The following ARHGAP22 variants were observed in gnomAD, a reference collection of about 807,000 sequenced individuals.
ARHGAP22 encodes Rho GTPase activating protein 22, also known as rho GTPase-activating protein 22.
A neutral mutation model predicts 59.1 loss-of-function variants in ARHGAP22; 48 were observed. That is an observed-to-expected ratio of 0.81 (90% CI 0.64 to 1.03). ARHGAP22 has a LOEUF of 1.03. Among genes scored for constraint, ARHGAP22 ranks in the 50% least tolerant of loss-of-function variants. The probability of loss-of-function intolerance (pLI) is 0.00; values close to 1 mark genes in which losing one functional copy is unlikely to be tolerated. For synonymous variants in ARHGAP22, 445 were observed against 416.4 expected (o/e 1.07, Z -0.84); for missense variants, 1,015 against 958.7 (o/e 1.06, Z -0.78).
rs2048638961 is a variant in ARHGAP22, at chr10:48,475,593, T to C, written c.451+4043A>G. On this transcript the variant is annotated intron_variant, in intron 4 of 9. Coordinates refer to ENST00000249601, the MANE Select transcript of ARHGAP22 (RefSeq NM_021226.4). ...CCAGAATTATCCTTAACTTCTCTCA[T>C]TCATTCTCATACACCTCTCATCCAT... Among the ~76,000 whole-genome samples, 3 of 152,336 alleles carry C rather than the reference T, an allele frequency of 2.0e-5. No individual in the cohort carries two copies. In the South Asian group the frequency reaches 6.2e-4, roughly 32 times the overall value.
chr10:48,551,074 G>C (rs543012717), intron 3 of ARHGAP22, among the ~76,000 whole-genome samples: 2 of 152,330 alleles, frequency 1.3e-5, no homozygotes, highest in South Asian at 4.1e-4. Context: ...TGCACCCTGG[G>C]CACTGGGGTG....
chr10:48,479,573 A>AG (rs1564733773), intron 4 of ARHGAP22, 63 bp downstream of exon 4: 1 of 1,612,648 alleles, frequency 6.2e-7, no homozygotes, highest in Non-Finnish European at 8.5e-7. Flanking sequence ...CAGGACAGGC[A>AG]GGGGGCATGA....
upstream of ARHGAP22, among the ~76,000 whole-genome samples, chr10:48,653,404 C>T (rs756199951): frequency 3.9e-5 from 6 of 152,212 alleles, no homozygotes; most frequent in Non-Finnish European, 8.8e-5. Context: ...CCCTGGGCTG[C>T]GGGACAGCGC....
intron 3 of ARHGAP22, among the ~76,000 whole-genome samples, chr10:48,504,358 T>G (rs570204282): frequency 6.6e-6 from 1 of 152,180 alleles, no homozygotes; most frequent in African/African-American, 2.4e-5. Flanking sequence ...GATGCTGTGC[T>G]TGACATATGG....
At chr10:48,476,803 G>A (rs565217017) in intron 4 of ARHGAP22, among the ~76,000 whole-genome samples, 1 of 152,306 alleles carries the variant, frequency 6.6e-6, no homozygotes, top group South Asian at 2.1e-4. Flanking sequence ...TGTGGCCGGG[G>A]AGCCAGGCCT....
intron 9 of ARHGAP22, among the ~76,000 whole-genome samples, chr10:48,447,302 G>A (rs2045455419): frequency 1.3e-5 from 2 of 152,182 alleles, no homozygotes; most frequent in South Asian, 2.1e-4. Context: ...CTTTCCGAAG[G>A]GACACACCTG....
intron 1 of ARHGAP22, among the ~76,000 whole-genome samples, chr10:48,583,885 C>T (rs1490912922): frequency 3.9e-5 from 6 of 152,198 alleles, no homozygotes; most frequent in Non-Finnish European, 5.9e-5. Flanking sequence ...TCTGAGTGCC[C>T]GTGAGCCCTG....
At chr10:48,612,595 T>C (rs930559981) in intron 1 of ARHGAP22, among the ~76,000 whole-genome samples, 1 of 152,264 alleles carries the variant, frequency 6.6e-6, no homozygotes, top group Non-Finnish European at 1.5e-5. Flanking sequence ...ATACTTGTGC[T>C]TCCTGCTTTT....
intron 1 of ARHGAP22, among the ~76,000 whole-genome samples, chr10:48,615,889 G>A (rs2061061329): frequency 5.3e-5 from 8 of 151,452 alleles, no homozygotes; most frequent in Admixed American, 4.6e-4. Context: ...GCAGATCTGA[G>A]CTAGCAGAAG....
intron 1 of ARHGAP22, 69 bp from the exon 2 acceptor site, chr10:48,583,221 G>C (rs2135640997): frequency 6.5e-7 from 1 of 1,537,440 alleles, no homozygotes; most frequent in South Asian, 1.2e-5. Flanking sequence ...CCCCCATCCT[G>C]GTGTCCCAGC....
chr10:48,514,024 A>G (rs1200677947), intron 3 of ARHGAP22, among the ~76,000 whole-genome samples: 2 of 152,264 alleles, frequency 1.3e-5, no homozygotes, highest in African/African-American at 2.4e-5. Flanking sequence ...ATAAATCACT[A>G]TTTGGGCTCT....
In ARHGAP22 at chr10:48,478,382, G is replaced by C. The variant is rs556230164; in HGVS notation, c.451+1254C>G. Among the ~76,000 whole-genome samples the C allele has an allele frequency of 4.4e-4, 67 of 152,330 alleles. 2 individuals carry two copies. In the South Asian group the frequency reaches 0.013, roughly 31 times the overall value. ...CCTTGTGAGGGATTTATCATTCAAT[G>C]AAAGGTGGTCAGGTAGACCATAGCC... On this transcript the variant is annotated intron_variant, in intron 4 of 9. Transcript: ENST00000249601.
chr10:48,464,185 T>C (rs759277267), intron 4 of ARHGAP22, among the ~76,000 whole-genome samples: 5 of 152,090 alleles, frequency 3.3e-5, no homozygotes, highest in Non-Finnish European at 7.4e-5. Context: ...CTGCTCCCTG[T>C]TCCCCCACAC....
chr10:48,509,708 T>A (rs888589655), intron 3 of ARHGAP22, among the ~76,000 whole-genome samples: 2 of 152,070 alleles, frequency 1.3e-5, no homozygotes, highest in African/African-American at 4.8e-5. Flanking sequence ...CCCAGAAGGT[T>A]ATTGGAAAGG....
chr10:48,610,245 C>T (rs989555959), intron 1 of ARHGAP22, among the ~76,000 whole-genome samples: 2 of 152,216 alleles, frequency 1.3e-5, no homozygotes, highest in Non-Finnish European at 2.9e-5. Context: ...GGACTTCTAC[C>T]TATCTGGGGT....
At position 48,450,341 on chromosome 10, in the gene ARHGAP22, G is replaced by C. The variant is rs747420218; in HGVS notation, c.1788C>G (p.Ser596=). The C allele has an allele frequency of 6.3e-7, 1 of 1,596,514 alleles. No individual in the cohort carries two copies. Residue 596 remains serine (S), a synonymous_variant, in exon 9 of 10, where the codon TCC becomes TCG. Transcript: ENST00000249601. ...DSPTREHARR[S]EALQGLVTEL... is the part of the protein sequence containing the mutation. ...CAGTGACCAGCCCCTGTAAGGCCTC[G>C]GAGCGGCGCGCGTGTTCCCGGGTGG...
At chr10:48,594,766 T>C (rs898179152) in intron 1 of ARHGAP22, among the ~76,000 whole-genome samples, 2 of 152,128 alleles carry the variant, frequency 1.3e-5, no homozygotes, top group African/African-American at 4.8e-5. Context: ...ACCTTATTTC[T>C]AGCTAGGTAC....
intron 1 of ARHGAP22, among the ~76,000 whole-genome samples, chr10:48,583,568 C>A (rs528468818): frequency 1.3e-5 from 2 of 152,312 alleles, no homozygotes; most frequent in South Asian, 4.1e-4. Context: ...TGATTTCTTA[C>A]TATGTGCATA....
chr10:48,632,184 A>C (rs2061652242), intron 1 of ARHGAP22, among the ~76,000 whole-genome samples: 1 of 152,122 alleles, frequency 6.6e-6, no homozygotes, highest in Non-Finnish European at 1.5e-5. Context: ...GCATCCTCAT[A>C]ACTTAGCTCC....
Sources: gnomAD v4.1 joint callset for allele counts (sites outside exome capture counted in the v4.1 genomes callset) on GRCh38, gnomAD v4.1.1 for gene constraint, MANE v1.5 for transcripts, NCBI Gene and HGNC (gene_info 2026-07-23, HGNC 2026-07-21) for gene names.